Variants in RABGAP1L observed in about 807,000 individuals in gnomAD.
The protein encoded by RABGAP1L is RAB GTPase activating protein 1 like.
In RABGAP1L, 63 loss-of-function variants were observed where a neutral mutation model predicts 137.7. The observed-to-expected ratio is 0.46, with a 90% CI of 0.37 to 0.56. The LOEUF is 0.56. Ranked by LOEUF, RABGAP1L falls within the 20% of genes least tolerant of loss-of-function variation. RABGAP1L has a pLI of 0.00. For missense variants in RABGAP1L, 1,095 were observed against 1,244.0 expected, an observed-to-expected ratio of 0.88 and a Z score of 1.80; for synonymous variants, 431 against 433.7, an observed-to-expected ratio of 0.99 and a Z score of 0.08.
intron 17 of RABGAP1L, among the ~76,000 whole-genome samples, chr1:174,717,946 G>A (rs1474323800): frequency 1.3e-5 from 2 of 152,110 alleles, no homozygotes; most frequent in East Asian, 1.9e-4. Context: ...TAGTTCACAC[G>A]GAACTAATCT....
At chr1:174,890,137 C>T (rs1004299851) in intron 19 of RABGAP1L, among the ~76,000 whole-genome samples, 5 of 152,214 alleles carry the variant, frequency 3.3e-5, no homozygotes, top group Non-Finnish European at 7.3e-5. Context: ...ATGTATACCT[C>T]CTACGTGCAT....
chr1:174,333,340 AT>A (rs1284816776), intron 11 of RABGAP1L, among the ~76,000 whole-genome samples: 2 of 152,232 alleles, frequency 1.3e-5, no homozygotes, highest in Non-Finnish European at 2.9e-5. Flanking sequence ...CAACAAAGAA[AT>A]GATAAATGTT....
At position 174,309,639 on chromosome 1, in the gene RABGAP1L, A is replaced by G. The variant is rs1156809680; in HGVS notation, c.1465+4512A>G. Among the ~76,000 whole-genome samples the G allele has an allele frequency of 2.6e-5, 4 of 152,226 alleles. No individual in the cohort carries two copies. The East Asian group carries it at 7.7e-4, about 29-fold the overall frequency. Reference sequence around the variant, plus strand: ...GTGATTTTTATCCTTCATTCTGTTCATGTGATGCATTACATTTACAGATTT... The same window carrying G: ...GTGATTTTTATCCTTCATTCTGTTCGTGTGATGCATTACATTTACAGATTT... On this transcript the variant is annotated intron_variant, in intron 11 of 25. Transcript: ENST00000681986.
chr1:174,921,181 C>G (rs967911211), intron 19 of RABGAP1L, among the ~76,000 whole-genome samples: 1 of 152,138 alleles, frequency 6.6e-6, no homozygotes, highest in African/African-American at 2.4e-5. Context: ...CCGCGGCCTC[C>G]CAGTGTGCTG....
At chr1:174,702,285 C>A in intron 17 of RABGAP1L, 29 bp downstream of exon 17, 1 of 1,539,918 alleles carries the variant, frequency 6.5e-7, no homozygotes, top group Non-Finnish European at 8.8e-7. Flanking sequence ...TTCACTAAGC[C>A]AAAATAGAAA....
chr1:174,506,297 T>A (rs1372886055), intron 13 of RABGAP1L, among the ~76,000 whole-genome samples: 2 of 152,208 alleles, frequency 1.3e-5, no homozygotes, highest in African/African-American at 4.8e-5. Context: ...ACATATTGTC[T>A]ATAGCCACTC....
chr1:174,195,645 CTTCCTTCCTTTCCT>C (rs1220081381), intron 1 of RABGAP1L, among the ~76,000 whole-genome samples: 2 of 91,656 alleles, frequency 2.2e-5, no homozygotes, highest in African/African-American at 9.5e-5. Flanking sequence ...TCCTTCCTTC[CTTCCTTCCTTTCCT>C]TTCCTTTCCT....
At chr1:174,389,430 C>T (rs1687050920) in intron 12 of RABGAP1L, among the ~76,000 whole-genome samples, 2 of 152,024 alleles carry the variant, frequency 1.3e-5, no homozygotes, top group South Asian at 4.1e-4. Context: ...CTTTTATCCC[C>T]CTCATCTCTT....
intron 11 of RABGAP1L, among the ~76,000 whole-genome samples, chr1:174,338,417 A>G (rs1276984880): frequency 1.3e-5 from 2 of 152,110 alleles, no homozygotes; most frequent in Non-Finnish European, 2.9e-5. Context: ...ATCCTCATGC[A>G]GTTTTAAGGA....
intron 13 of RABGAP1L, among the ~76,000 whole-genome samples, chr1:174,584,044 G>A (rs1452636356): frequency 6.6e-6 from 1 of 152,022 alleles, no homozygotes; most frequent in Non-Finnish European, 1.5e-5. Flanking sequence ...CATTATGAAG[G>A]GTCAGCCTCA....
intron 14 of RABGAP1L, among the ~76,000 whole-genome samples, chr1:174,679,704 A>G (rs917935644): frequency 1.3e-5 from 2 of 152,204 alleles, no homozygotes; most frequent in Non-Finnish European, 2.9e-5. Context: ...ATGGAGAGAG[A>G]TATATCAGGT....
At chr1:174,567,404 G>T (rs1413477477) in intron 13 of RABGAP1L, among the ~76,000 whole-genome samples, 2 of 151,992 alleles carry the variant, frequency 1.3e-5, no homozygotes, top group African/African-American at 4.8e-5. Flanking sequence ...GGTCACATTT[G>T]GGTTAGCCAT....
chr1:174,638,169 A>G (rs77190508), intron 14 of RABGAP1L, among the ~76,000 whole-genome samples: 3,197 of 152,302 alleles, frequency 0.021, 52 homozygotes, highest in Middle Eastern at 0.086. Flanking sequence ...TGGTTAATGA[A>G]TAATGAACTG....
At chr1:174,897,028 G>T (rs1657319898) in intron 19 of RABGAP1L, 1 of 152,142 alleles carries the variant, frequency 6.6e-6, no homozygotes, top group South Asian at 2.1e-4. Context: ...AATTACCTTG[G>T]GCAGTATGGC....
intron 15 of RABGAP1L, among the ~76,000 whole-genome samples, chr1:174,687,176 C>A (rs996024932): frequency 2.6e-5 from 4 of 152,000 alleles, no homozygotes; most frequent in African/African-American, 4.8e-5. Flanking sequence ...ATTCAAATAA[C>A]GAGAGCTCAA....
At chr1:174,369,709 CATG>C (rs1350359001) in intron 11 of RABGAP1L, among the ~76,000 whole-genome samples, 4 of 152,064 alleles carry the variant, frequency 2.6e-5, no homozygotes, top group African/African-American at 9.7e-5. Flanking sequence ...CTGTTATTTT[CATG>C]ATGAACTTAT....
chr1:174,467,731 A>G (rs1385294293), intron 13 of RABGAP1L, among the ~76,000 whole-genome samples: 3 of 152,148 alleles, frequency 2.0e-5, no homozygotes, highest in Non-Finnish European at 4.4e-5. Context: ...GGCGGAATCT[A>G]TAGAATTTGA....
At chr1:174,181,785 T>G (rs1666392399) in intron 1 of RABGAP1L, among the ~76,000 whole-genome samples, 1 of 152,110 alleles carries the variant, frequency 6.6e-6, no homozygotes, top group African/African-American at 2.4e-5. Context: ...CCTGAGCATA[T>G]GCCAGTAAGG....
Position 174,590,348 on chromosome 1 carries a change from A to C in RABGAP1L, c.1711-47027A>C, listed in dbSNP as rs559574190. ...ATTGTTTTTTTTTCTTTTTTTTTTT[A>C]TTTATTTTTTTTTTATTATACTCTA... On this transcript the variant is annotated intron_variant, in intron 13 of 25. Transcript: ENST00000681986. Among the ~76,000 whole-genome samples, 422 of 101,498 alleles carry C rather than the reference A, an allele frequency of 4.2e-3. 3 individuals carry two copies. The highest frequency in any genetic ancestry group is 1.0e-2 in the African/African-American group (268 of 26,878). 66.6% of individuals were successfully genotyped at this position (101,498 alleles called of 152,430 possible).
Sources: allele counts gnomAD v4.1 joint callset (sites outside exome capture counted in the v4.1 genomes callset), GRCh38; gene constraint gnomAD v4.1.1; transcripts MANE v1.5; gene names NCBI Gene and HGNC (gene_info 2026-07-23, HGNC 2026-07-21).